The following NAXD variants were observed in gnomAD, a reference collection of about 807,000 sequenced individuals.
NAXD encodes the protein NAD(P)HX dehydratase, also known as ATP-dependent (S)-NAD(P)H-hydrate dehydratase.
NAXD carries 22 observed loss-of-function variants against 35.8 expected under a neutral mutation model. The ratio of observed to expected loss-of-function variants is 0.62; its 90% confidence interval spans 0.44 to 0.88. The LOEUF (loss-of-function observed/expected upper bound fraction) is 0.88, where lower values mean the gene tolerates loss of function less well. Among genes scored for constraint, NAXD ranks in the 40% least tolerant of loss-of-function variants. The pLI is 0.00. For synonymous variants in NAXD, 189 were observed against 177.6 expected, an observed-to-expected ratio of 1.06 and a Z score of -0.51; for missense variants, 428 against 437.7, an observed-to-expected ratio of 0.98 and a Z score of 0.20.
intron 1 of NAXD, among the ~76,000 whole-genome samples, chr13:110,621,317 G>A (rs1243255893): frequency 1.3e-5 from 2 of 152,204 alleles, no homozygotes; most frequent in Non-Finnish European, 2.9e-5. Context: ...AAGTAATAAT[G>A]CATTTTTTTA....
rs200735605 is a variant in NAXD at position 110,638,270 on chromosome 13, T to C, written c.840-108T>C. On this transcript the variant is annotated intron_variant, in intron 9 of 9. Transcript: ENST00000680254. The surrounding 1 kb of genome is among the most constrained non-coding windows in gnomAD (Gnocchi z 5.4). ...CATATCAGACTTGAAATTGACAATTTGGGGTCCTGAGATTGAAACAGGAGT... is the reference window on the plus strand; with the variant it reads ...CATATCAGACTTGAAATTGACAATTCGGGGTCCTGAGATTGAAACAGGAGT... 1.4e-5 allele frequency: 22 copies of C among 1,585,430 alleles called. No individual in the cohort carries two copies. Among genetic ancestry groups the C allele is most frequent in the Non-Finnish European group, 1.9e-5 (22 of 1,167,320 alleles).
intron 1 of NAXD, among the ~76,000 whole-genome samples, chr13:110,620,469 A>G (rs1594168224): frequency 2.6e-5 from 4 of 151,520 alleles, no homozygotes; most frequent in East Asian, 2.0e-4. Flanking sequence ...AGTCCCAGCT[A>G]CTCAGGAGGC....
intron 3 of NAXD, 83 bp from the exon 4 acceptor site, chr13:110,625,107 A>G (rs1886414498): frequency 2.0e-6 from 2 of 984,012 alleles, no homozygotes; most frequent in Non-Finnish European, 3.2e-6. Flanking sequence ...GGGCTGAGTA[A>G]TGAGCGCTGG....
intron 7 of NAXD, 73 bp downstream of exon 7, chr13:110,634,849 T>C: frequency 8.8e-7 from 1 of 1,138,170 alleles, no homozygotes; most frequent in Non-Finnish European, 1.3e-6. Context: ...ACGAGCTCCA[T>C]GCTTCTGCCC....
intron 2 of NAXD, among the ~76,000 whole-genome samples, chr13:110,623,417 A>G (rs1437029396): frequency 2.0e-5 from 3 of 152,196 alleles, no homozygotes; most frequent in East Asian, 3.9e-4. Context: ...CTGGAGAGCC[A>G]GGGATTCCAG....
At chr13:110,632,281 G>A (rs757838283) in intron 5 of NAXD, among the ~76,000 whole-genome samples, 1 of 152,172 alleles carries the variant, frequency 6.6e-6, no homozygotes, top group African/African-American at 2.4e-5. Context: ...GGCTTCAGGA[G>A]TGAAGCTGCA....
intron 8 of NAXD, among the ~76,000 whole-genome samples, chr13:110,636,450 A>G (rs1225092174): frequency 6.6e-6 from 1 of 151,950 alleles, no homozygotes; most frequent in East Asian, 1.9e-4. Context: ...ATGCATGGTC[A>G]TGCTCACAGC....
chr13:110,624,062 G>A (rs1302404040), intron 2 of NAXD, among the ~76,000 whole-genome samples, 172 bp from the exon 3 acceptor site: 1 of 150,852 alleles, frequency 6.6e-6, no homozygotes, highest in Non-Finnish European at 1.5e-5. Flanking sequence ...TTGAACATTT[G>A]CTGAGCATCT....
intron 5 of NAXD, among the ~76,000 whole-genome samples, chr13:110,631,415 C>T (rs141826209): frequency 3.3e-5 from 5 of 152,262 alleles, no homozygotes; most frequent in East Asian, 3.9e-4. Context: ...AGAGTAAGGA[C>T]GTTTAAATTT....
intron 3 of NAXD, 24 bp from the exon 4 acceptor site, chr13:110,625,166 C>A (rs747014672): frequency 3.1e-6 from 5 of 1,587,508 alleles, no homozygotes; most frequent in Non-Finnish European, 4.3e-6. Flanking sequence ...ATCCCTGAGT[C>A]GGCCTCTTGT....
intron 1 of NAXD, among the ~76,000 whole-genome samples, chr13:110,621,431 C>T (rs1384856317): frequency 1.3e-5 from 2 of 152,224 alleles, no homozygotes; most frequent in East Asian, 1.9e-4. Flanking sequence ...TGGGGTGGCT[C>T]ATGCCTGTAA....
At chr13:110,633,313 G>A (rs1348278444) in intron 5 of NAXD, among the ~76,000 whole-genome samples, 1 of 152,154 alleles carries the variant, frequency 6.6e-6, no homozygotes, top group Non-Finnish European at 1.5e-5. Flanking sequence ...AGGGCTGGCC[G>A]GCTGCTCCGA....
At position 110,639,941 on chromosome 13, in the gene NAXD, G is replaced by A. The variant is rs529411524; in HGVS notation, c.*1413G>A. 6.6e-6 allele frequency: 1 copy of A among 152,314 alleles called. No individual in the cohort carries two copies. The highest frequency in any genetic ancestry group is 2.1e-4 in the South Asian group (1 of 4,828). The allele number at this position is 152,314 out of a possible 1,614,324, so 9.4% of individuals were successfully genotyped here. ...CTGTGCCATGGACATTTTTCCTCTG[G>A]GGAATTAACATCTAAATTCTGGTAA... On this transcript the variant is annotated 3_prime_UTR_variant, in exon 10 of 10. Transcript: ENST00000680254.
intron 2 of NAXD, 25 bp downstream of exon 2, chr13:110,622,391 G>T (rs775830857): frequency 6.2e-6 from 10 of 1,607,932 alleles, no homozygotes; most frequent in Non-Finnish European, 7.7e-6. Context: ...TGCAGTGTTG[G>T]TGTTTAAAAA....
chr13:110,632,314 G>T (rs1886729407), intron 5 of NAXD, among the ~76,000 whole-genome samples: 1 of 152,206 alleles, frequency 6.6e-6, no homozygotes, highest in Non-Finnish European at 1.5e-5. Flanking sequence ...GACTGTTACA[G>T]CTCATAAAAG....
intron 5 of NAXD, among the ~76,000 whole-genome samples, chr13:110,632,805 G>C (rs567436674): frequency 3.3e-5 from 5 of 151,098 alleles, no homozygotes; most frequent in Non-Finnish European, 5.9e-5. Flanking sequence ...ACAGAGTGTC[G>C]ATTGGTGCAT....
At chr13:110,618,826 C>T (rs960765973) in intron 1 of NAXD, among the ~76,000 whole-genome samples, 1 of 152,224 alleles carries the variant, frequency 6.6e-6, no homozygotes. Context: ...TCTCCTCTTT[C>T]TCAACCAAAA....
chr13:110,618,001 A>G (rs575518241), intron 1 of NAXD, among the ~76,000 whole-genome samples: 18 of 152,312 alleles, frequency 1.2e-4, no homozygotes, highest in African/African-American at 3.8e-4. Context: ...AGGCAGTAGT[A>G]GGGTGCTGAT....
In NAXD at chr13:110,635,456, G is replaced by T. The variant is rs1204645740; in HGVS notation, c.598-12G>T. On this transcript the variant is annotated splice_polypyrimidine_tract_variant and intron_variant, in intron 7 of 9. Coordinates refer to ENST00000680254, the MANE Select transcript of NAXD (RefSeq NM_001242882.2). ...GACTTTGCTTTTTCTCTGTCTTCCT[G>T]TGTTGTCATAGCTCAGAGGCCCTAT... is the stretch of plus-strand genomic sequence containing the variant. 1.2e-6 allele frequency: 2 copies of T among 1,612,056 alleles called. No individual in the cohort carries two copies. Among genetic ancestry groups the T allele is most frequent in the African/African-American group, 1.3e-5 (1 of 74,888 alleles).
Sources: allele counts gnomAD v4.1 joint callset (sites outside exome capture counted in the v4.1 genomes callset), GRCh38; gene constraint gnomAD v4.1.1; non-coding constraint Gnocchi (gnomAD v3.1); transcripts MANE v1.5; gene names NCBI Gene and HGNC (gene_info 2026-07-23, HGNC 2026-07-21).